PSMC6: variants seen among roughly 807,000 people sequenced by gnomAD.
PSMC6 encodes 26S proteasome regulatory subunit 10B.
A neutral mutation model predicts 55.9 loss-of-function variants in PSMC6; 3 were observed. The ratio of observed to expected loss-of-function variants is 0.05; its 90% CI spans 0.02 to 0.14. The LOEUF (loss-of-function observed/expected upper bound fraction) is 0.14, where lower values mean the gene tolerates loss of function less well. Among genes scored for constraint, PSMC6 ranks in the 10% least tolerant of loss-of-function variants. The pLI is 1.00. For missense variants in PSMC6, 210 were observed against 478.7 expected, an observed-to-expected ratio of 0.44 and a Z score of 5.24; for synonymous variants, 137 against 155.9, an observed-to-expected ratio of 0.88 and a Z score of 0.90.
At chr14:52,711,076 A>T in intron 4 of PSMC6, 25 bp from the exon 5 acceptor site, 2 of 1,591,164 alleles carry the variant, frequency 1.3e-6, no homozygotes, top group Middle Eastern at 1.7e-4. Context: ...GTGTTGATGT[A>T]ATATCTTTTG....
At position 52,708,340 on chromosome 14, in the gene PSMC6, G is replaced by C; in HGVS notation, c.117G>C (p.Gln39His). ...AACAATTAAAAGAACTTACCAAGCA[G>C]TATGAAAAGTCTGAAAATGATCTGA... ...LREQLKELTK[Q>H]YEKSENDLKA... The change falls in exon 2 of 14, where the codon CAG (glutamine) becomes CAC (histidine). Residue 39 changes from glutamine (Q) to histidine (H), a missense_variant. Transcript: ENST00000445930. The C allele has an allele frequency of 6.2e-7, 1 of 1,612,872 alleles. No homozygotes were observed.
chr14:52,720,616 T>C (rs2139852754), intron 10 of PSMC6, among the ~76,000 whole-genome samples: 1 of 152,236 alleles, frequency 6.6e-6, no homozygotes, highest in Admixed American at 6.5e-5. Context: ...TTATTAAAAC[T>C]ACCTGGTAGC....
chr14:52,717,685 C>T (rs1184751673), intron 7 of PSMC6, among the ~76,000 whole-genome samples: 1 of 151,806 alleles, frequency 6.6e-6, no homozygotes, highest in Non-Finnish European at 1.5e-5. Flanking sequence ...GGAAAATTTA[C>T]TTGCCAAACG....
intron 10 of PSMC6, among the ~76,000 whole-genome samples, chr14:52,720,471 T>TGAC (rs770277198): frequency 4.1e-4 from 62 of 150,074 alleles, no homozygotes; most frequent in Admixed American, 2.3e-3. Flanking sequence ...ATGTCTGACA[T>TGAC]ATCATAAGCA....
At chr14:52,708,845 A>G in intron 4 of PSMC6, 29 bp downstream of exon 4, 1 of 1,607,462 alleles carries the variant, frequency 6.2e-7, no homozygotes. Flanking sequence ...ATAGTGCCTG[A>G]TGATTGACAA....
intron 7 of PSMC6, among the ~76,000 whole-genome samples, chr14:52,714,672 G>C (rs543131905): frequency 6.6e-6 from 1 of 151,928 alleles, no homozygotes; most frequent in South Asian, 2.1e-4. Flanking sequence ...GAGCAGCCTG[G>C]CCAACCAACA....
At chr14:52,715,710 G>A (rs62005433) in intron 7 of PSMC6, among the ~76,000 whole-genome samples, 2 of 146,124 alleles carry the variant, frequency 1.4e-5, no homozygotes, top group Non-Finnish European at 3.0e-5. Flanking sequence ...TCTGCCTCTT[G>A]GGCTCAGGTG....
rs572833025 is a variant in PSMC6 at position 52,711,365 on chromosome 14, GA to G, written c.327-41del. ...TTTATATGCTATCTGTAGGCTAAGAGAAAATATATCTTTCAAAAGAAAAATA... is the reference window on the plus strand; with the variant it reads ...TTTATATGCTATCTGTAGGCTAAGAGAAATATATCTTTCAAAAGAAAAATA... On this transcript the variant is annotated intron_variant, in intron 5 of 13. Transcript: ENST00000445930. The G allele has an allele frequency of 5.4e-4, 802 of 1,498,074 alleles. 7 individuals carry two copies. The African/African-American group carries it at 9.9e-3, about 19-fold the overall frequency. 92.8% of individuals were successfully genotyped at this position (1,498,074 alleles called of 1,614,324 possible).
intron 4 of PSMC6, chr14:52,710,499 G>A (rs2041759774): frequency 6.5e-6 from 1 of 152,726 alleles, no homozygotes; most frequent in African/African-American, 2.4e-5. Flanking sequence ...AGATCTAGTA[G>A]ATTCTAATTT....
chr14:52,726,508 C>G (rs952188488), intron 13 of PSMC6, among the ~76,000 whole-genome samples: 1 of 152,094 alleles, frequency 6.6e-6, no homozygotes, highest in African/African-American at 2.4e-5. Flanking sequence ...GTGTGCCTTC[C>G]AGCAAATTGC....
chr14:52,727,702 AATG>A lies in PSMC6; in HGVS notation c.*89_*91del. The A allele has an allele frequency of 2.5e-6, 2 of 784,910 alleles. No homozygotes were observed. Among genetic ancestry groups the A allele is most frequent in the Non-Finnish European group, 4.2e-6 (2 of 478,588 alleles). 48.6% of individuals were successfully genotyped at this position (784,910 alleles called of 1,614,324 possible). A position where few individuals can be genotyped will look rare whatever the true frequency, so the allele number is the denominator to read the frequency against. On this transcript the variant is annotated 3_prime_UTR_variant, in exon 14 of 14. Transcript: ENST00000445930. ...TAAAGAAAATAATGTATGTATTGGT[AATG>A]ATGTCATTAAAAGTATATGAATAAA...
rs148727007 is a variant in PSMC6 at position 52,724,573 on chromosome 14, T to A, written c.1051+537T>A. ...TTGTGTATGTTGTCTAATACTAGTC[T>A]GTGAGCAGTGTTTTGAAAGATTGAT... is the stretch of plus-strand genomic sequence containing the variant. On this transcript the variant is annotated intron_variant, in intron 13 of 13. Transcript: ENST00000445930. Among the ~76,000 whole-genome samples, 89 of 152,378 alleles carry A rather than the reference T, an allele frequency of 5.8e-4. 1 individual carries two copies. The highest frequency in any genetic ancestry group is 1.5e-3 in the African/African-American group (63 of 41,604).
Position 52,708,494 on chromosome 14 carries a change from A to G in PSMC6, c.177A>G (p.Glu59=), listed in dbSNP as rs762971111. ...ALQSVGQIVG[E]VLKQLTEEKF... is the part of the protein sequence containing the mutation. ...ATTTTCTTCCTTAGATCGTGGGTGA[A>G]GTGCTTAAACAGTTAACTGAAGAAA... Residue 59 remains glutamate (E), a synonymous_variant, in exon 3 of 14, where the codon GAA becomes GAG. Coordinates refer to ENST00000445930, the MANE Select transcript of PSMC6 (RefSeq NM_002806.5). The G allele has an allele frequency of 6.2e-7, 1 of 1,614,032 alleles. No homozygotes were observed. The highest frequency in any genetic ancestry group is 2.2e-5 in the East Asian group (1 of 44,862).
At chr14:52,718,405 G>A (rs1594851771) in intron 9 of PSMC6, 53 bp downstream of exon 9, 11 of 1,545,610 alleles carry the variant, frequency 7.1e-6, no homozygotes, top group African/African-American at 1.4e-5. Context: ...AAATGTAAAA[G>A]AACCTTTTTC....
At chr14:52,707,527 G>C in intron 1 of PSMC6, 1 of 550,016 alleles carries the variant, frequency 1.8e-6, no homozygotes, top group Non-Finnish European at 3.2e-6. Context: ...CGGCGGCCTT[G>C]AGGTGAAAAT....
intron 12 of PSMC6, 67 bp downstream of exon 12, chr14:52,721,257 A>G: frequency 7.7e-7 from 1 of 1,304,832 alleles, no homozygotes. Context: ...TTTAGAAATT[A>G]CTGATAGTTT....
chr14:52,718,220 T>G lies in PSMC6; in HGVS notation c.592-9T>G. On this transcript the variant is annotated splice_polypyrimidine_tract_variant and intron_variant, in intron 8 of 13. Transcript: ENST00000445930. ...CTTATATTTACCTTACTGTTTTTCC[T>G]TTAATCAGGTTGTATCTAGTTCTAT... 6.2e-7 allele frequency: 1 copy of G among 1,611,548 alleles called. No homozygotes were observed. Among genetic ancestry groups the G allele is most frequent in the Non-Finnish European group, 8.5e-7 (1 of 1,177,738 alleles).
chr14:52,715,523 T>C (rs1224167885), intron 7 of PSMC6, among the ~76,000 whole-genome samples: 4 of 152,212 alleles, frequency 2.6e-5, no homozygotes, highest in Admixed American at 6.5e-5. Context: ...TCTATTGCCA[T>C]TGATAAAATA....
chr14:52,719,816 T>C (rs1296688329), intron 10 of PSMC6, among the ~76,000 whole-genome samples: 1 of 152,334 alleles, frequency 6.6e-6, no homozygotes, highest in East Asian at 1.9e-4. Flanking sequence ...TCAGACTAGC[T>C]ATATTTTAGA....
Sources: gnomAD v4.1 joint callset for allele counts (sites outside exome capture counted in the v4.1 genomes callset) on GRCh38, gnomAD v4.1.1 for gene constraint, MANE v1.5 for transcripts, NCBI Gene and HGNC (gene_info 2026-07-23, HGNC 2026-07-21) for gene names.